EPHA3: variants seen among roughly 807,000 people sequenced by gnomAD.
EPHA3 encodes the protein ephrin type-A receptor 3.
Under a neutral mutation model 107.1 loss-of-function variants are expected in EPHA3, and 42 were observed. The ratio of observed to expected loss-of-function variants is 0.39; its 90% CI spans 0.31 to 0.51. EPHA3 has a LOEUF of 0.51. Among genes scored for constraint, EPHA3 ranks in the 20% least tolerant of loss-of-function variants. The pLI is 0.78. For missense variants in EPHA3, 1,183 were observed against 1,211.2 expected (o/e 0.98, Z 0.35); for synonymous variants, 461 against 424.8 (o/e 1.09, Z -1.05).
rs762325101 is a variant in EPHA3, at chr3:89,471,727, C to CTG, written c.2691-723_2691-722dup. On this transcript the variant is annotated intron_variant, in intron 15 of 16. Coordinates refer to ENST00000336596, the MANE Select transcript of EPHA3 (RefSeq NM_005233.6). ...ACAATTACAATCCCTCTCTGAGTCT[C>CTG]TGTGTGTGTGTGTGTATGTGTGTGT... Among the ~76,000 whole-genome samples the CTG allele has an allele frequency of 8.0e-5, 12 of 150,866 alleles. No individual in the cohort carries two copies. The South Asian group carries it at 1.0e-3, about 13-fold the overall frequency.
intron 3 of EPHA3, among the ~76,000 whole-genome samples, chr3:89,339,385 A>AG (rs1159862799): frequency 3.3e-5 from 5 of 151,570 alleles, no homozygotes; most frequent in African/African-American, 4.8e-5. Context: ...AAAAAAAAAA[A>AG]AAAAAGAAAG....
chr3:89,132,497 A>G (rs1264773978), intron 2 of EPHA3, among the ~76,000 whole-genome samples: 1 of 152,216 alleles, frequency 6.6e-6, no homozygotes, highest in Non-Finnish European at 1.5e-5. Context: ...GTAGTAAAAC[A>G]GGTTAAGAAC....
Position 89,308,981 on chromosome 3 carries a change from G to A in EPHA3, c.815-31935G>A, listed in dbSNP as rs548444095. Among the ~76,000 whole-genome samples the A allele has an allele frequency of 2.6e-5, 4 of 152,134 alleles. No individual in the cohort carries two copies. The South Asian group carries it at 6.2e-4, about 24-fold the overall frequency. On this transcript the variant is annotated intron_variant, in intron 3 of 16. Coordinates refer to ENST00000336596, the MANE Select transcript of EPHA3 (RefSeq NM_005233.6). Reference sequence around the variant, plus strand: ...AGCATCTGGGAGGCAAACAGAGGAAGATTCTGAGAAGTGTTCTAGAAGTTG... The same window carrying A: ...AGCATCTGGGAGGCAAACAGAGGAAAATTCTGAGAAGTGTTCTAGAAGTTG...
chr3:89,124,443 G>A (rs921851301), intron 1 of EPHA3, among the ~76,000 whole-genome samples: 2 of 152,050 alleles, frequency 1.3e-5, no homozygotes, highest in Non-Finnish European at 2.9e-5. Flanking sequence ...TCACTTTAAA[G>A]TATTTAGAAT....
At chr3:89,154,033 C>T (rs114805552) in intron 2 of EPHA3, among the ~76,000 whole-genome samples, 113 of 152,120 alleles carry the variant, frequency 7.4e-4, no homozygotes, top group African/African-American at 2.5e-3. Flanking sequence ...GTCCTGAAGC[C>T]ATGAGGCCCC....
chr3:89,340,543 C>A (rs1378198319), intron 3 of EPHA3, among the ~76,000 whole-genome samples: 6 of 152,154 alleles, frequency 3.9e-5, no homozygotes, highest in Non-Finnish European at 8.8e-5. Flanking sequence ...TGCTGCAGTG[C>A]AGATAGTATA....
chr3:89,356,332 C>A (rs1002311858), intron 5 of EPHA3, among the ~76,000 whole-genome samples: 7 of 150,974 alleles, frequency 4.6e-5, no homozygotes, highest in African/African-American at 1.5e-4. Flanking sequence ...GATTTATAGT[C>A]CTTTGGGTAT....
At chr3:89,286,119 CGTGTGTGT>C (rs373081017) in intron 3 of EPHA3, among the ~76,000 whole-genome samples, 118 of 136,654 alleles carry the variant, frequency 8.6e-4, no homozygotes, top group African/African-American at 2.3e-3. Context: ...TCAATTTCTA[CGTGTGTGT>C]GTGTGTGTGT....
chr3:89,201,645 A>G (rs1361323024), intron 2 of EPHA3, among the ~76,000 whole-genome samples: 1 of 152,172 alleles, frequency 6.6e-6, no homozygotes, highest in Non-Finnish European at 1.5e-5. Flanking sequence ...GTTAATAATC[A>G]TCTTGTTTTC....
At chr3:89,123,871 TC>T (rs1381244267) in intron 1 of EPHA3, among the ~76,000 whole-genome samples, 2 of 152,248 alleles carry the variant, frequency 1.3e-5, no homozygotes, top group East Asian at 3.8e-4. Context: ...TAATGTGTTT[TC>T]TGTTACACAC....
Position 89,194,724 on chromosome 3 carries a change from T to C in EPHA3, c.154-15136T>C, listed in dbSNP as rs1245752634. Reference sequence around the variant, plus strand: ...CTGTCTTCTTGTCAGTTCACTCTCCTCAGACCATACTTTGCTCTAAAGCAT... The same window carrying C: ...CTGTCTTCTTGTCAGTTCACTCTCCCCAGACCATACTTTGCTCTAAAGCAT... On this transcript the variant is annotated intron_variant, in intron 2 of 16. Coordinates refer to ENST00000336596, the MANE Select transcript of EPHA3 (RefSeq NM_005233.6). 2.0e-5 allele frequency among the ~76,000 whole-genome samples: 3 copies of C among 152,122 alleles called. No individual in the cohort carries two copies. The East Asian group carries it at 5.8e-4, about 29-fold the overall frequency.
intron 2 of EPHA3, among the ~76,000 whole-genome samples, chr3:89,168,742 T>A (rs1179961628): frequency 1.3e-5 from 2 of 152,058 alleles, no homozygotes; most frequent in Non-Finnish European, 2.9e-5. Flanking sequence ...AAATGCATAT[T>A]TGCCTACCTG....
chr3:89,292,458 G>A (rs948704577), intron 3 of EPHA3, among the ~76,000 whole-genome samples: 8 of 152,078 alleles, frequency 5.3e-5, no homozygotes, highest in South Asian at 2.1e-4. Context: ...GTCCTGGAAC[G>A]AGTTCCCTGT....
At chr3:89,343,657 C>T (rs1005415298) in intron 5 of EPHA3, among the ~76,000 whole-genome samples, 3 of 152,174 alleles carry the variant, frequency 2.0e-5, no homozygotes, top group Non-Finnish European at 2.9e-5. Flanking sequence ...ATTTCTCTTT[C>T]GTTTCCACTT....
rs1267237165 is a variant in EPHA3 at position 89,351,507 on chromosome 3, C to G, written c.1306+9417C>G. Reference sequence around the variant, plus strand: ...CGGTGCGCGCACCCACTGGCCTGCGCCCACTGTCTGGCACTCCCTAGTGAG... The same window carrying G: ...CGGTGCGCGCACCCACTGGCCTGCGGCCACTGTCTGGCACTCCCTAGTGAG... On this transcript the variant is annotated intron_variant, in intron 5 of 16. Transcript: ENST00000336596. 2.0e-5 allele frequency among the ~76,000 whole-genome samples: 3 copies of G among 150,274 alleles called. No individual in the cohort carries two copies. In the East Asian group the frequency reaches 5.9e-4, roughly 29 times the overall value.
At chr3:89,257,019 C>A (rs73849221) in intron 3 of EPHA3, among the ~76,000 whole-genome samples, 2,075 of 152,280 alleles carry the variant, frequency 0.014, 53 homozygotes, top group African/African-American at 0.046. Flanking sequence ...TATGTATGTA[C>A]ACACATGTAA....
chr3:89,350,597 G>C (rs1225079968), intron 5 of EPHA3, among the ~76,000 whole-genome samples: 1 of 150,814 alleles, frequency 6.6e-6, no homozygotes, highest in African/African-American at 2.4e-5. Flanking sequence ...TTGATCGTCT[G>C]AAGCCTTCTT....
At chr3:89,402,575 GTATT>G (rs1708985678) in intron 7 of EPHA3, among the ~76,000 whole-genome samples, 1 of 151,880 alleles carries the variant, frequency 6.6e-6, no homozygotes, top group African/African-American at 2.4e-5. Context: ...AATGCTGTAA[GTATT>G]TAATAAGACT....
intron 3 of EPHA3, among the ~76,000 whole-genome samples, chr3:89,249,940 T>C (rs1300617364): frequency 3.3e-5 from 5 of 152,208 alleles, no homozygotes; most frequent in Admixed American, 1.3e-4. Context: ...AGATACACAA[T>C]TAATATCTTT....
Sources: allele counts gnomAD v4.1 joint callset (sites outside exome capture counted in the v4.1 genomes callset), GRCh38; gene constraint gnomAD v4.1.1; transcripts MANE v1.5; gene names NCBI Gene and HGNC (gene_info 2026-07-23, HGNC 2026-07-21).